The following AADAT variants were observed in gnomAD, a reference collection of about 807,000 sequenced individuals.
AADAT encodes the protein kynurenine/alpha-aminoadipate aminotransferase, mitochondrial.
AADAT carries 25 observed loss-of-function variants against 56.2 expected under a neutral mutation model. The observed-to-expected ratio is 0.44, with a 90% CI of 0.32 to 0.62. The LOEUF is 0.62. AADAT is among the 20% of genes least tolerant of loss of function. AADAT has a pLI of 0.04. For missense variants in AADAT, 387 were observed against 510.5 expected (o/e 0.76, Z 2.33); for synonymous variants, 173 against 164.7 (o/e 1.05, Z -0.39).
At chr4:170,080,481 A>T (rs1015968783) in intron 3 of AADAT, among the ~76,000 whole-genome samples, 5 of 152,140 alleles carry the variant, frequency 3.3e-5, no homozygotes, top group African/African-American at 9.7e-5. Flanking sequence ...AGGGAAAAAC[A>T]TCCCTGAGGA....
rs1293468526 is a variant in AADAT at position 170,061,954 on chromosome 4, A to T, written c.1174T>A (p.Ser392Thr). ...LPGNAFYVDS[S>T]APSPYLRASF... ...GCTCTCAAGTAAGGGCTAGGAGCTG[A>T]GCTATCGACGTAGAAAGCATTTCCA... is the stretch of plus-strand genomic sequence containing the variant. The change falls in exon 12 of 13, where the codon TCA (serine) becomes ACA (threonine). Residue 392 changes from serine to threonine, a missense_variant. Ser to Thr is a moderately conservative substitution (Grantham distance 58). Transcript: ENST00000337664. 2 of 1,613,170 alleles carry T rather than the reference A, an allele frequency of 1.2e-6. No homozygotes were observed. The highest frequency in any genetic ancestry group is 3.3e-5 in the Admixed American group (2 of 59,972).
At chr4:170,087,276 CA>C in intron 2 of AADAT, 28 bp from the exon 3 acceptor site, 1 of 1,597,750 alleles carries the variant, frequency 6.3e-7, no homozygotes, top group Non-Finnish European at 8.6e-7. Flanking sequence ...TATTTAAATT[CA>C]TAGTAGTAAA....
At chr4:170,082,646 G>T (rs1382309860) in intron 3 of AADAT, among the ~76,000 whole-genome samples, 1 of 151,948 alleles carries the variant, frequency 6.6e-6, no homozygotes, top group Non-Finnish European at 1.5e-5. Context: ...GTGGCTGAGT[G>T]GATAAAGAAA....
At chr4:170,069,287 G>A (rs577218112) in intron 6 of AADAT, 57 bp from the exon 7 acceptor site, 104 of 1,386,934 alleles carry the variant, frequency 7.5e-5, no homozygotes, top group African/African-American at 1.0e-4. Context: ...GTCACTGTAC[G>A]ATTATTTTGA....
chr4:170,083,507 CG>C (rs1465805063), intron 3 of AADAT, among the ~76,000 whole-genome samples: 1 of 151,894 alleles, frequency 6.6e-6, no homozygotes, highest in Non-Finnish European at 1.5e-5. Flanking sequence ...AAAATATTTG[CG>C]AACTACCCAT....
upstream of AADAT, among the ~76,000 whole-genome samples, chr4:170,091,952 C>G (rs950239372): frequency 6.6e-6 from 1 of 152,182 alleles, no homozygotes; most frequent in Admixed American, 6.5e-5. Context: ...TGTAAATACA[C>G]CAATTAGCAC....
chr4:170,081,330 T>C (rs1402903652), intron 3 of AADAT, among the ~76,000 whole-genome samples: 4 of 151,824 alleles, frequency 2.6e-5, no homozygotes, highest in Admixed American at 1.3e-4. Flanking sequence ...AAAGACTAAA[T>C]CTAAGAATCA....
chr4:170,064,126 G>C (rs1316968526), intron 11 of AADAT, among the ~76,000 whole-genome samples: 1 of 152,042 alleles, frequency 6.6e-6, no homozygotes, highest in Non-Finnish European at 1.5e-5. Flanking sequence ...CACAAAATCT[G>C]GGTAGTAAAA....
chr4:170,072,655 A>T (rs1389111989), intron 5 of AADAT, among the ~76,000 whole-genome samples: 1 of 152,096 alleles, frequency 6.6e-6, no homozygotes, highest in East Asian at 1.9e-4. Flanking sequence ...ATTTCTGGGG[A>T]GCTTAATATA....
intron 1 of AADAT, 63 bp downstream of exon 1, chr4:170,089,561 C>T: frequency 1.9e-6 from 3 of 1,598,468 alleles, no homozygotes; most frequent in Non-Finnish European, 2.6e-6. Flanking sequence ...CTAGGGAACC[C>T]TCCTTAGAGG....
At chr4:170,064,326 A>T (rs1396330618) in intron 11 of AADAT, among the ~76,000 whole-genome samples, 2 of 152,224 alleles carry the variant, frequency 1.3e-5, no homozygotes, top group Non-Finnish European at 2.9e-5. Context: ...TCACTTAATC[A>T]TCAGAGCAAC....
At chr4:170,076,956 G>T (rs575215129) in intron 4 of AADAT, among the ~76,000 whole-genome samples, 1 of 152,268 alleles carries the variant, frequency 6.6e-6, no homozygotes, top group African/African-American at 2.4e-5. Flanking sequence ...CACCACAGTT[G>T]AAGAGACTAT....
At chr4:170,061,763 G>T in intron 12 of AADAT, 129 bp downstream of exon 12, 3 of 569,762 alleles carry the variant, frequency 5.3e-6, no homozygotes, top group South Asian at 7.4e-5. Context: ...TTCATGACTG[G>T]TCAACAAATA....
chr4:170,062,176 C>T (rs1213577608), intron 11 of AADAT, among the ~76,000 whole-genome samples, 183 bp from the exon 12 acceptor site: 1 of 152,224 alleles, frequency 6.6e-6, no homozygotes, highest in Admixed American at 6.5e-5. Flanking sequence ...AAACTAAACA[C>T]ATAGAAACTG....
intron 10 of AADAT, among the ~76,000 whole-genome samples, chr4:170,065,825 T>C (rs567335696): frequency 1.3e-5 from 2 of 152,312 alleles, no homozygotes; most frequent in African/African-American, 4.8e-5. Context: ...TACCAAGACT[T>C]TATAGAAAAT....
At chr4:170,088,919 A>G (rs1732697699) in intron 1 of AADAT, among the ~76,000 whole-genome samples, 1 of 150,388 alleles carries the variant, frequency 6.6e-6, no homozygotes, top group Non-Finnish European at 1.5e-5. Context: ...CTCTGTCTAT[A>G]AGGAAGGGCT....
At position 170,089,883 on chromosome 4, in the gene AADAT, G is replaced by A; in HGVS notation, c.-193C>T. 1.6e-6 allele frequency: 1 copy of A among 608,644 alleles called. No homozygotes were observed. Among genetic ancestry groups the A allele is most frequent in the Non-Finnish European group, 2.9e-6 (1 of 342,312 alleles). The allele number at this position is 608,644 out of a possible 1,614,324, so 37.7% of individuals were successfully genotyped here. On this transcript the variant is annotated 5_prime_UTR_variant, in exon 1 of 13. In the 5' UTR this introduces an upstream ATG that the reference lacks. Coordinates refer to ENST00000337664, the MANE Select transcript of AADAT (RefSeq NM_016228.4). ...CCGAAACTCCCCGGCTGGACGCTGC[G>A]TTCGGTCTCCCGGTCCTAAACGGGT...
At chr4:170,076,609 C>A (rs1426968634) in intron 4 of AADAT, among the ~76,000 whole-genome samples, 1 of 151,912 alleles carries the variant, frequency 6.6e-6, no homozygotes, top group African/African-American at 2.4e-5. Context: ...TTTATATGTT[C>A]TGGTTATTAA....
At chr4:170,085,433 TA>T (rs1290230837) in intron 3 of AADAT, among the ~76,000 whole-genome samples, 1 of 152,160 alleles carries the variant, frequency 6.6e-6, no homozygotes, top group African/African-American at 2.4e-5. Flanking sequence ...GAGTCTAAAA[TA>T]ACATGACTCC....
Sources: allele counts gnomAD v4.1 joint callset (sites outside exome capture counted in the v4.1 genomes callset), GRCh38; gene constraint gnomAD v4.1.1; transcripts MANE v1.5; gene names NCBI Gene and HGNC (gene_info 2026-07-23, HGNC 2026-07-21).